METTL16: variants seen among roughly 807,000 people sequenced by gnomAD.
METTL16 encodes the protein methyltransferase 16, RNA N6-adenosine, also known as RNA N(6)-adenosine-methyltransferase METTL16.
A neutral mutation model predicts 57.9 loss-of-function variants in METTL16; 19 were observed. The observed-to-expected ratio is 0.33, with a 90% CI of 0.23 to 0.48. The LOEUF is 0.48. Among genes scored for constraint, METTL16 ranks in the 20% least tolerant of loss-of-function variants. The pLI is 0.99. For missense variants in METTL16, 434 were observed against 691.5 expected (o/e 0.63, Z 4.18); for synonymous variants, 246 against 255.6 (o/e 0.96, Z 0.36).
intron 2 of METTL16, among the ~76,000 whole-genome samples, chr17:2,498,261 A>C (rs1339583628): frequency 6.7e-6 from 1 of 149,730 alleles, no homozygotes; most frequent in African/African-American, 2.5e-5. Context: ...AAAATACAAA[A>C]ATTAGTTGGG....
At chr17:2,492,920 C>CAAA (rs1309254014) in intron 2 of METTL16, among the ~76,000 whole-genome samples, 25 of 129,214 alleles carry the variant, frequency 1.9e-4, no homozygotes, top group African/African-American at 6.8e-4. Flanking sequence ...AAAAAAACAA[C>CAAA]AAAAAAAACA....
At chr17:2,460,402 A>G (rs1309880120) in intron 6 of METTL16, 1 of 152,186 alleles carries the variant, frequency 6.6e-6, no homozygotes, top group East Asian at 1.9e-4. Flanking sequence ...CAGACTAGGA[A>G]CATACTGAGT....
chr17:2,427,196 A>C (rs569498335), intron 8 of METTL16, among the ~76,000 whole-genome samples: 43 of 152,364 alleles, frequency 2.8e-4, no homozygotes, highest in Admixed American at 2.4e-3. Flanking sequence ...CTGTTTAAAT[A>C]GTAACCCATG....
At chr17:2,441,009 GAAGAA>G (rs1451639511) in intron 7 of METTL16, among the ~76,000 whole-genome samples, 1 of 122,600 alleles carries the variant, frequency 8.2e-6, no homozygotes, top group Non-Finnish European at 1.8e-5. Flanking sequence ...AGAAGAAGAA[GAAGAA>G]AAGAAAAGAA....
intron 5 of METTL16, among the ~76,000 whole-genome samples, chr17:2,467,282 G>A (rs562349825): frequency 1.7e-4 from 26 of 152,280 alleles, no homozygotes; most frequent in Non-Finnish European, 2.6e-4. Context: ...GGGAGCTGAC[G>A]GGCGGGGGAC....
intron 7 of METTL16, among the ~76,000 whole-genome samples, chr17:2,439,554 A>G (rs2066932226): frequency 6.6e-6 from 1 of 152,136 alleles, no homozygotes; most frequent in Non-Finnish European, 1.5e-5. Context: ...GGCCCACAAC[A>G]AGCCCTTAAA....
rs1369859073 is a variant in METTL16 at position 2,420,761 on chromosome 17, T to C, written c.1032A>G (p.Thr344=). The change falls in exon 9 of 10, where the codon ACA becomes ACG. Residue 344 remains threonine (T), a synonymous_variant. Coordinates refer to ENST00000263092, the MANE Select transcript of METTL16 (RefSeq NM_024086.4). The surrounding 1 kb of genome is among the most constrained non-coding windows in gnomAD (Gnocchi z 5.4). ...AATCAGTGAGAATTTTTTCAATCCA[T>C]GTCGTGACAACGACTATGCCTTCCG... is the stretch of plus-strand genomic sequence containing the variant. The part of the protein sequence containing the change: ...ETAEGIVVVT[T]WIEKILTDLK... The C allele has an allele frequency of 9.3e-6, 15 of 1,613,860 alleles. No homozygotes were observed. The highest frequency in any genetic ancestry group is 2.2e-5 in the South Asian group (2 of 90,974).
chr17:2,455,041 C>A, intron 6 of METTL16: 1 of 166,016 alleles, frequency 6.0e-6, no homozygotes, highest in Non-Finnish European at 1.3e-5. Context: ...CTGCCTCAGC[C>A]TCCCAAGCAG....
chr17:2,485,887 CT>C lies in METTL16; in HGVS notation c.129-8003del, dbSNP rs912423692. ...AGGTAAAAGATACTACTGACCCCCC[CT>C]AATTAGTGGATCTGCCTTAGGAAGG... On this transcript the variant is annotated intron_variant, in intron 2 of 9. Transcript: ENST00000263092. Among the ~76,000 whole-genome samples, 111 of 152,298 alleles carry C rather than the reference CT, an allele frequency of 7.3e-4. 2 individuals carry two copies. The highest frequency in any genetic ancestry group is 2.5e-3 in the African/African-American group (104 of 41,558).
At chr17:2,482,978 A>G (rs2067317558) in intron 2 of METTL16, among the ~76,000 whole-genome samples, 1 of 151,882 alleles carries the variant, frequency 6.6e-6, no homozygotes, top group Non-Finnish European at 1.5e-5. Context: ...AAATAAAATC[A>G]GGGGCAGTAA....
intron 6 of METTL16, 56 bp downstream of exon 6, chr17:2,464,152 C>T (rs1240500269): frequency 1.9e-5 from 30 of 1,545,390 alleles, no homozygotes; most frequent in Non-Finnish European, 2.5e-5. Flanking sequence ...AACTACATAG[C>T]GGGTAAATAT....
rs2067042461 is a variant in METTL16, at chr17:2,448,795, TAAAATTTAAA to T, written c.729-7246_729-7237del. Among the ~76,000 whole-genome samples the T allele has an allele frequency of 7.9e-3, 290 of 36,668 alleles. 1 individual carries two copies. The highest frequency in any genetic ancestry group is 0.077 in the Middle Eastern group (4 of 52). 24.1% of individuals were successfully genotyped at this position (36,668 alleles called of 152,430 possible). A position where few individuals can be genotyped will look rare whatever the true frequency, so the allele number is the denominator to read the frequency against. On this transcript the variant is annotated intron_variant, in intron 6 of 9. Transcript: ENST00000263092. The stretch of plus-strand genomic sequence containing the variant: ...AAATAAAAAAATAAAAAAATAAAAA[TAAAATTTAAA>T]AAAAAAAAAAAAAAAAAAAAAGAGC...
At chr17:2,452,029 A>T (rs965638435) in intron 6 of METTL16, among the ~76,000 whole-genome samples, 1 of 149,688 alleles carries the variant, frequency 6.7e-6, no homozygotes, top group Non-Finnish European at 1.5e-5. Context: ...CCCAGCTACT[A>T]GGGGGGCTGA....
At chr17:2,447,758 G>C (rs1474059707) in intron 6 of METTL16, among the ~76,000 whole-genome samples, 3 of 136,100 alleles carry the variant, frequency 2.2e-5, no homozygotes, top group Non-Finnish European at 4.8e-5. Flanking sequence ...GGAGGTGGGG[G>C]GATCAGCCCC....
intron 1 of METTL16, among the ~76,000 whole-genome samples, chr17:2,507,513 G>GC: frequency 6.7e-6 from 1 of 149,020 alleles, no homozygotes; most frequent in African/African-American, 2.5e-5. Context: ...GGGGGGGTCA[G>GC]CCCCCCGCCC....
chr17:2,436,484 T>C (rs2066909859), intron 8 of METTL16, among the ~76,000 whole-genome samples: 1 of 152,186 alleles, frequency 6.6e-6, no homozygotes. Flanking sequence ...TTGTGCTACA[T>C]GTCTCTACTC....
rs565236497 is a variant in METTL16 at position 2,491,660 on chromosome 17, G to C, written c.128+10544C>G. Among the ~76,000 whole-genome samples, 7 of 152,040 alleles carry C rather than the reference G, an allele frequency of 4.6e-5. No individual in the cohort carries two copies. The South Asian group carries it at 6.3e-4, about 14-fold the overall frequency. ...GGAGGCCAAGGCGGGTGAATCACGA[G>C]GTCAGGAGATGGAGACCATCCTGGC... On this transcript the variant is annotated intron_variant, in intron 2 of 9. Coordinates refer to ENST00000263092, the MANE Select transcript of METTL16 (RefSeq NM_024086.4).
intron 8 of METTL16, among the ~76,000 whole-genome samples, chr17:2,423,303 T>TGTGTGTGTGTGTGTGTGTG (rs1597435179): frequency 7.0e-6 from 1 of 142,362 alleles, no homozygotes; most frequent in Non-Finnish European, 1.5e-5. Context: ...TGTGTGTGTG[T>TGTGTGTGTGTGTGTGTGTG]TTGAAGAACC....
chr17:2,453,232 C>T (rs1343237541), intron 6 of METTL16, among the ~76,000 whole-genome samples: 1 of 152,198 alleles, frequency 6.6e-6, no homozygotes, highest in Admixed American at 6.6e-5. Context: ...TCATTCAATA[C>T]TATTATCTGG....
Sources: allele counts gnomAD v4.1 joint callset (sites outside exome capture counted in the v4.1 genomes callset), GRCh38; gene constraint gnomAD v4.1.1; non-coding constraint Gnocchi (gnomAD v3.1); transcripts MANE v1.5; gene names NCBI Gene and HGNC (gene_info 2026-07-23, HGNC 2026-07-21).